BICDL1: variants seen among roughly 807,000 people sequenced by gnomAD.
BICDL1 encodes the protein BICD family-like cargo adapter 1.
BICDL1 carries 20 observed loss-of-function variants against 76.8 expected under a neutral mutation model. That is an observed-to-expected ratio of 0.26 (90% confidence interval 0.18 to 0.38). The LOEUF (loss-of-function observed/expected upper bound fraction) is 0.38, where lower values mean the gene tolerates loss of function less well. Among genes scored for constraint, BICDL1 ranks in the 10% least tolerant of loss-of-function variants. The pLI, the probability that BICDL1 is intolerant of heterozygous loss-of-function variation, is 1.00. For synonymous variants in BICDL1, 383 were observed against 337.1 expected (o/e 1.14, Z -1.49); for missense variants, 700 against 798.6 (o/e 0.88, Z 1.49).
intron 2 of BICDL1, among the ~76,000 whole-genome samples, chr12:120,052,985 G>T (rs1952895837): frequency 6.6e-6 from 1 of 152,136 alleles, no homozygotes; most frequent in Non-Finnish European, 1.5e-5. Context: ...TCACCATGTT[G>T]GCCAGGCTGG....
intron 2 of BICDL1, among the ~76,000 whole-genome samples, chr12:120,030,999 C>A (rs1415704832): frequency 6.6e-6 from 1 of 152,112 alleles, no homozygotes. Context: ...TGTGTTTAAC[C>A]TGTTTTGGTT....
intron 2 of BICDL1, among the ~76,000 whole-genome samples, chr12:120,002,568 A>G (rs1298344127): frequency 6.6e-6 from 1 of 152,156 alleles, no homozygotes; most frequent in African/African-American, 2.4e-5. Context: ...AAAAGTCCCA[A>G]TCCACCTCTC....
chr12:120,074,340 A>G (rs1447829652), intron 6 of BICDL1, 103 bp from the exon 7 acceptor site: 1 of 721,150 alleles, frequency 1.4e-6, no homozygotes, highest in Non-Finnish European at 1.7e-6. Flanking sequence ...ACTCTCCCCC[A>G]TTTCTCCTCT....
rs1192338072 is a variant in BICDL1, at chr12:120,008,982, T to C, written c.645+10246T>C. ...TTTTTTGGTAGATTCTTGTATTGATTAGTTGAGCCTGTTCTTTTCTTTTTG... is the reference window on the plus strand; with the variant it reads ...TTTTTTGGTAGATTCTTGTATTGATCAGTTGAGCCTGTTCTTTTCTTTTTG... On this transcript the variant is annotated intron_variant, in intron 2 of 9. Coordinates refer to ENST00000548673, the MANE Select transcript of BICDL1 (RefSeq NM_001367886.1). 7.3e-5 allele frequency among the ~76,000 whole-genome samples: 11 copies of C among 151,656 alleles called. No individual in the cohort carries two copies. In the South Asian group the frequency reaches 8.4e-4, roughly 12 times the overall value.
At chr12:120,032,654 T>A (rs541360785) in intron 2 of BICDL1, among the ~76,000 whole-genome samples, 1 of 152,134 alleles carries the variant, frequency 6.6e-6, no homozygotes, top group African/African-American at 2.4e-5. Flanking sequence ...TTTAAAAACA[T>A]CATATTTCCA....
At chr12:120,024,722 C>A (rs1952254091) in intron 2 of BICDL1, among the ~76,000 whole-genome samples, 1 of 152,130 alleles carries the variant, frequency 6.6e-6, no homozygotes, top group African/African-American at 2.4e-5. Context: ...GAGTCTCACT[C>A]CATTGGCCAG....
Position 120,062,912 on chromosome 12 carries a change from T to A in BICDL1, c.762+1086T>A, listed in dbSNP as rs146980661. Among the ~76,000 whole-genome samples, 13 of 152,272 alleles carry A rather than the reference T, an allele frequency of 8.5e-5. No individual in the cohort carries two copies. In the East Asian group the frequency reaches 2.5e-3, roughly 29 times the overall value. On this transcript the variant is annotated intron_variant, in intron 3 of 9. Transcript: ENST00000548673. ...TCACCCGTTCATTTTTTCTAGACCC[T>A]CATGAACCGGGTCGTCCCCAGGAAT...
chr12:119,990,031 G>A lies in BICDL1; in HGVS notation c.163G>A (p.Ala55Thr), dbSNP rs1459566945. 6.6e-7 allele frequency: 1 copy of A among 1,523,240 alleles called. No homozygotes were observed. The highest frequency in any genetic ancestry group is 8.8e-7 in the Non-Finnish European group (1 of 1,141,714). The allele number at this position is 1,523,240 out of a possible 1,614,324, so 94.4% of individuals were successfully genotyped here. Residue 55 changes from alanine (A) to threonine (T), a missense_variant, in exon 1 of 10, where the codon GCG becomes ACG. Ala to Thr is a moderately conservative substitution (Grantham distance 58). Transcript: ENST00000548673. ...CGGGGGCTCCGGGGAGCTAGAACTGGCGTTAGAGGAGGAGCTGGCGCTGCT... is the reference window on the plus strand; with the variant it reads ...CGGGGGCTCCGGGGAGCTAGAACTGACGTTAGAGGAGGAGCTGGCGCTGCT... ...FPGGSGELEL[A>T]LEEELALLAA... is the part of the protein sequence containing the mutation.
At chr12:120,069,369 C>G (rs1377599502) in intron 4 of BICDL1, among the ~76,000 whole-genome samples, 2 of 152,190 alleles carry the variant, frequency 1.3e-5, no homozygotes, top group Non-Finnish European at 2.9e-5. Context: ...AGAGTTAGAA[C>G]TGAAGCTGTG....
chr12:120,026,124 C>T (rs1952296060), intron 2 of BICDL1, among the ~76,000 whole-genome samples: 1 of 152,316 alleles, frequency 6.6e-6, no homozygotes, highest in African/African-American at 2.4e-5. Context: ...AGGCATGAAC[C>T]ACCGTGCCCG....
chr12:120,056,564 CA>C (rs1227207480), intron 2 of BICDL1, among the ~76,000 whole-genome samples: 1 of 152,102 alleles, frequency 6.6e-6, no homozygotes, highest in African/African-American at 2.4e-5. Context: ...ACTAAAAATA[CA>C]AAAATTAGCT....
intron 2 of BICDL1, among the ~76,000 whole-genome samples, chr12:120,060,843 A>C (rs867326333): frequency 1.9e-4 from 29 of 151,964 alleles, no homozygotes; most frequent in African/African-American, 6.5e-4. Context: ...TCACCATCCC[A>C]CCTCCTCGGA....
chr12:119,990,656 T>G (rs1951502259), intron 1 of BICDL1, among the ~76,000 whole-genome samples: 1 of 152,192 alleles, frequency 6.6e-6, no homozygotes, highest in Non-Finnish European at 1.5e-5. Context: ...TGTTGCAGGT[T>G]TTCAGAGCAG....
intron 8 of BICDL1, 88 bp downstream of exon 8, chr12:120,081,105 C>T (rs1233904620): frequency 1.7e-5 from 23 of 1,357,954 alleles, no homozygotes; most frequent in Non-Finnish European, 2.1e-5. Flanking sequence ...TTAAATCATA[C>T]AAAAGAATAC....
chr12:120,040,518 C>T (rs1283304057), intron 2 of BICDL1, among the ~76,000 whole-genome samples: 2 of 152,176 alleles, frequency 1.3e-5, no homozygotes, highest in African/African-American at 4.8e-5. Flanking sequence ...CAGGCTCAAG[C>T]CATCCTCCTA....
chr12:120,042,509 A>G (rs1952662616), intron 2 of BICDL1, among the ~76,000 whole-genome samples: 1 of 152,142 alleles, frequency 6.6e-6, no homozygotes, highest in South Asian at 2.1e-4. Flanking sequence ...AGTTAGATAT[A>G]AGAACCTAAG....
intron 1 of BICDL1, among the ~76,000 whole-genome samples, chr12:119,995,715 G>A (rs187083408): frequency 1.2e-4 from 19 of 152,252 alleles, no homozygotes; most frequent in Admixed American, 9.8e-4. Context: ...GGCCGGGCAC[G>A]GTGGCTCACG....
chr12:119,990,273 T>C lies in BICDL1; in HGVS notation c.405T>C (p.His135=), dbSNP rs761614182. 1.5e-5 allele frequency: 24 copies of C among 1,572,976 alleles called. No individual in the cohort carries two copies. Among genetic ancestry groups the C allele is most frequent in the South Asian group, 2.3e-5 (2 of 85,428 alleles). Residue 135 remains histidine (H), a synonymous_variant, in exon 1 of 10, where the codon CAT becomes CAC. Transcript: ENST00000548673. The stretch of plus-strand genomic sequence containing the variant: ...TGAGCCGGCAGTACGAGCAGATGCA[T>C]AAGGAGCTGACAGACAAGCTCGAGG... ...QDMSRQYEQM[H]KELTDKLEHL...
chr12:120,088,669 GTTTT>G (rs922915431), intron 8 of BICDL1, among the ~76,000 whole-genome samples: 7 of 138,488 alleles, frequency 5.1e-5, no homozygotes, highest in African/African-American at 1.9e-4. Flanking sequence ...ACTTTATGGG[GTTTT>G]TTTGTTTTTT....
Sources: allele counts gnomAD v4.1 joint callset (sites outside exome capture counted in the v4.1 genomes callset), GRCh38; gene constraint gnomAD v4.1.1; transcripts MANE v1.5; gene names NCBI Gene and HGNC (gene_info 2026-07-23, HGNC 2026-07-21).